Variants in CDH4 observed in about 807,000 individuals in gnomAD.
CDH4 encodes cadherin 4, also known as cadherin-4.
CDH4 carries 33 observed loss-of-function variants against 86.0 expected under a neutral mutation model. That is an observed-to-expected ratio of 0.38 (90% CI 0.29 to 0.51). The LOEUF is 0.51. CDH4 is among the 20% of genes least tolerant of loss of function. The pLI, the probability that CDH4 is intolerant of heterozygous loss-of-function variation, is 0.86. For missense variants in CDH4, 1,114 were observed against 1,307.4 expected (o/e 0.85, Z 2.28); for synonymous variants, 555 against 549.4 (o/e 1.01, Z -0.14).
intron 2 of CDH4, among the ~76,000 whole-genome samples, chr20:61,630,983 C>A (rs890212075): frequency 6.6e-6 from 1 of 152,154 alleles, no homozygotes; most frequent in Non-Finnish European, 1.5e-5. Context: ...AGGAGGTGGG[C>A]GTGCCCCAGG....
intron 2 of CDH4, among the ~76,000 whole-genome samples, chr20:61,723,930 G>GT (rs11204445): frequency 0.029 from 3,030 of 102,992 alleles, 55 homozygotes; most frequent in African/African-American, 0.057. Context: ...CATGTGGCAG[G>GT]GGGGTAGGTC....
intron 4 of CDH4, among the ~76,000 whole-genome samples, chr20:61,833,959 C>T (rs1600697396): frequency 6.6e-6 from 1 of 152,232 alleles, no homozygotes; most frequent in East Asian, 1.9e-4. Context: ...TGGGAGACAT[C>T]CATTCTGGCA....
intron 2 of CDH4, among the ~76,000 whole-genome samples, chr20:61,413,526 C>T (rs1022091764): frequency 2.0e-5 from 3 of 152,188 alleles, no homozygotes; most frequent in Non-Finnish European, 4.4e-5. Context: ...GGTGGGACTG[C>T]TGCACGGGAT....
At chr20:61,301,788 C>T (rs921295379) in intron 2 of CDH4, among the ~76,000 whole-genome samples, 7 of 152,096 alleles carry the variant, frequency 4.6e-5, no homozygotes, top group African/African-American at 1.7e-4. Flanking sequence ...CAATTGAGGG[C>T]GATTACAAAA....
intron 5 of CDH4, among the ~76,000 whole-genome samples, chr20:61,847,883 CT>C (rs1982531141): frequency 6.6e-6 from 1 of 152,190 alleles, no homozygotes; most frequent in Non-Finnish European, 1.5e-5. Context: ...AAGGGCAGCA[CT>C]GAGCCATTGA....
chr20:61,928,026 T>G, intron 11 of CDH4, among the ~76,000 whole-genome samples, 164 bp from the exon 12 acceptor site: 1 of 152,324 alleles, frequency 6.6e-6, no homozygotes, highest in South Asian at 2.1e-4. Context: ...TCAGTCCCTG[T>G]GCAGCTGTGT....
intron 7 of CDH4, among the ~76,000 whole-genome samples, chr20:61,882,237 C>G (rs1047980173): frequency 6.6e-5 from 10 of 152,234 alleles, no homozygotes; most frequent in Admixed American, 3.3e-4. Flanking sequence ...GCGTGGCTGA[C>G]CATTTGCACG....
chr20:61,801,529 G>A (rs1047252849), intron 4 of CDH4, among the ~76,000 whole-genome samples: 9 of 152,184 alleles, frequency 5.9e-5, no homozygotes, highest in Non-Finnish European at 1.0e-4. Flanking sequence ...CAAACCAGGT[G>A]GCAGAGAACA....
rs1382563405 is a variant in CDH4, at chr20:61,940,258, T to A, written c.*3315T>A. 6.6e-6 allele frequency: 1 copy of A among 151,930 alleles called. No homozygotes were observed. The highest frequency in any genetic ancestry group is 2.4e-5 in the African/African-American group (1 of 41,360). The allele number at this position is 151,930 out of a possible 1,614,324, so 9.4% of individuals were successfully genotyped here. Reference sequence around the variant, plus strand: ...CTTTTCTCTCCTTTTTTCATTCCGATTTTTTTTGCATGTTTCTTTTTGAAA... The same window carrying A: ...CTTTTCTCTCCTTTTTTCATTCCGAATTTTTTTGCATGTTTCTTTTTGAAA... On this transcript the variant is annotated 3_prime_UTR_variant, in exon 16 of 16. Coordinates refer to ENST00000614565, the MANE Select transcript of CDH4 (RefSeq NM_001794.5).
At chr20:61,749,442 A>G (rs1354221624) in intron 3 of CDH4, among the ~76,000 whole-genome samples, 1 of 152,244 alleles carries the variant, frequency 6.6e-6, no homozygotes, top group Non-Finnish European at 1.5e-5. Flanking sequence ...GAACATTTAC[A>G]AATATTAACC....
chr20:61,463,748 G>T (rs2085457612), intron 2 of CDH4, among the ~76,000 whole-genome samples: 1 of 152,186 alleles, frequency 6.6e-6, no homozygotes, highest in Non-Finnish European at 1.5e-5. Flanking sequence ...CTTGCAACAG[G>T]GGAGAGAGAC....
At chr20:61,776,577 T>A (rs2088845262) in intron 4 of CDH4, among the ~76,000 whole-genome samples, 1 of 152,204 alleles carries the variant, frequency 6.6e-6, no homozygotes, top group African/African-American at 2.4e-5. Context: ...GTCACCTCCA[T>A]GCCCAGAACG....
intron 2 of CDH4, among the ~76,000 whole-genome samples, chr20:61,541,369 C>T (rs1476093380): frequency 1.3e-5 from 2 of 152,160 alleles, no homozygotes; most frequent in East Asian, 1.9e-4. Flanking sequence ...TGGTCGGCAC[C>T]CTCTGCTGAT....
chr20:61,567,399 G>A (rs2252164), intron 2 of CDH4, among the ~76,000 whole-genome samples: 99,072 of 152,022 alleles, frequency 0.65, 33,610 homozygotes, highest in East Asian at 0.8. Context: ...GTGAGGTCCC[G>A]CTTCCTCATT....
intron 2 of CDH4, among the ~76,000 whole-genome samples, chr20:61,291,181 G>A (rs2084318699): frequency 6.6e-6 from 1 of 152,166 alleles, no homozygotes; most frequent in Non-Finnish European, 1.5e-5. Flanking sequence ...TCACTGGCCT[G>A]ACTCACACCT....
intron 2 of CDH4, among the ~76,000 whole-genome samples, chr20:61,584,160 A>G (rs1037037633): frequency 3.3e-5 from 5 of 152,192 alleles, no homozygotes; most frequent in African/African-American, 1.2e-4. Flanking sequence ...ACCCTGTCTT[A>G]AAAATATATG....
intron 2 of CDH4, among the ~76,000 whole-genome samples, chr20:61,271,574 C>A (rs2084183087): frequency 6.6e-6 from 1 of 152,196 alleles, no homozygotes; most frequent in Non-Finnish European, 1.5e-5. Flanking sequence ...AACGTGAGGC[C>A]CCGGCCTGGG....
At chr20:61,396,559 G>C (rs1161411080) in intron 2 of CDH4, among the ~76,000 whole-genome samples, 4 of 152,218 alleles carry the variant, frequency 2.6e-5, no homozygotes, top group Non-Finnish European at 4.4e-5. Context: ...CTGTTTCCCT[G>C]AGCATCTCTG....
intron 2 of CDH4, among the ~76,000 whole-genome samples, chr20:61,435,276 A>T (rs1199048732): frequency 6.6e-6 from 1 of 152,216 alleles, no homozygotes; most frequent in Non-Finnish European, 1.5e-5. Context: ...CATTTTACAG[A>T]AAACAGAGGC....
Sources: allele counts gnomAD v4.1 joint callset (sites outside exome capture counted in the v4.1 genomes callset), GRCh38; gene constraint gnomAD v4.1.1; transcripts MANE v1.5; gene names NCBI Gene and HGNC (gene_info 2026-07-23, HGNC 2026-07-21).